The following THSD7A variants were observed in gnomAD, a reference collection of about 807,000 sequenced individuals.
THSD7A encodes the protein thrombospondin type-1 domain-containing protein 7A.
In THSD7A, 96 loss-of-function variants were observed where a neutral mutation model predicts 231.3. That is an observed-to-expected ratio of 0.41 (90% CI 0.35 to 0.49). The LOEUF is 0.49. THSD7A is among the 20% of genes least tolerant of loss of function. THSD7A has a pLI of 0.05. For synonymous variants in THSD7A, 940 were observed against 743.3 expected (o/e 1.26, Z -4.30); for missense variants, 2,290 against 2,070.2 (o/e 1.11, Z -2.06).
intron 1 of THSD7A, among the ~76,000 whole-genome samples, chr7:11,784,656 T>C (rs1189262315): frequency 6.6e-6 from 1 of 152,096 alleles, no homozygotes; most frequent in African/African-American, 2.4e-5. Context: ...TTTTCTGTTC[T>C]CATATTTAAT....
chr7:11,514,528 AAGG>A (rs1475368098), intron 6 of THSD7A, among the ~76,000 whole-genome samples: 5 of 152,258 alleles, frequency 3.3e-5, no homozygotes, highest in Middle Eastern at 6.8e-3. Flanking sequence ...GAGAAAAGAG[AAGG>A]AGGAGATCAT....
Position 11,481,824 on chromosome 7 carries a change from G to T in THSD7A, c.1981C>A (p.Arg661=), listed in dbSNP as rs367816173. 15 of 1,613,432 alleles carry T rather than the reference G, an allele frequency of 9.3e-6. No homozygotes were observed. The highest frequency in any genetic ancestry group is 7.7e-5 in the South Asian group (7 of 91,052). ...GCATAGGCCAGAATGGATCGTGCTC[G>T]TATCTGTTTCCCTTCTGTCGTTTTC... is the stretch of plus-strand genomic sequence containing the variant. ...SGKTTEGKQI[R]ARSILAYAGE... The change falls in exon 7 of 28, where the codon CGA becomes AGA. Residue 661 remains arginine, a synonymous_variant. Transcript: ENST00000423059.
chr7:11,788,364 T>C (rs927006834), intron 1 of THSD7A, among the ~76,000 whole-genome samples: 1 of 152,078 alleles, frequency 6.6e-6, no homozygotes, highest in Admixed American at 6.6e-5. Flanking sequence ...TCGTATATGT[T>C]CTTCTATAGT....
chr7:11,531,590 A>G (rs1788712567), intron 6 of THSD7A, among the ~76,000 whole-genome samples: 1 of 152,180 alleles, frequency 6.6e-6, no homozygotes, highest in African/African-American at 2.4e-5. Context: ...TCTCTTCTCA[A>G]ATTCGCATAG....
chr7:11,718,841 G>C (rs997716106), intron 1 of THSD7A, among the ~76,000 whole-genome samples: 1 of 151,594 alleles, frequency 6.6e-6, no homozygotes, highest in African/African-American at 2.4e-5. Context: ...GTTTGGGCAT[G>C]CAGAACTTTG....
At chr7:11,546,191 TGTGGGC>T (rs1479923699) in intron 4 of THSD7A, among the ~76,000 whole-genome samples, 4 of 73,514 alleles carry the variant, frequency 5.4e-5, no homozygotes, top group African/African-American at 1.3e-4. Context: ...TTGTTGCTGG[TGTGGGC>T]GCGCGCTCAC....
At chr7:11,774,729 T>C (rs143491392) in intron 1 of THSD7A, among the ~76,000 whole-genome samples, 301 of 152,350 alleles carry the variant, frequency 2.0e-3, no homozygotes, top group African/African-American at 6.9e-3. Context: ...TTTATGCTAG[T>C]ATATTTCTAT....
rs564331740 is a variant in THSD7A, at chr7:11,671,111, A to G, written c.191-34150T>C. On this transcript the variant is annotated intron_variant, in intron 1 of 27. Coordinates refer to ENST00000423059, the MANE Select transcript of THSD7A (RefSeq NM_015204.3). Reference sequence around the variant, plus strand: ...GTCCATGGAATACCTGAAGGCTACAAGAGAACATTAATAGACCTTCAAGGG... The same window carrying G: ...GTCCATGGAATACCTGAAGGCTACAGGAGAACATTAATAGACCTTCAAGGG... Among the ~76,000 whole-genome samples the G allele has an allele frequency of 1.4e-4, 22 of 152,332 alleles. No homozygotes were observed. The South Asian group carries it at 1.9e-3, about 13-fold the overall frequency.
intron 1 of THSD7A, among the ~76,000 whole-genome samples, chr7:11,740,746 A>C (rs1489448968): frequency 6.6e-6 from 1 of 151,926 alleles, no homozygotes; most frequent in African/African-American, 2.4e-5. Context: ...TTATGCTATA[A>C]TATGTCAGTA....
intron 7 of THSD7A, among the ~76,000 whole-genome samples, chr7:11,480,152 ACT>A (rs1786363961): frequency 6.6e-6 from 1 of 152,182 alleles, no homozygotes; most frequent in South Asian, 2.1e-4. Flanking sequence ...TAATGCAACC[ACT>A]AAACTTAATT....
chr7:11,779,722 C>T (rs1254137827), intron 1 of THSD7A, among the ~76,000 whole-genome samples: 2 of 152,138 alleles, frequency 1.3e-5, no homozygotes, highest in South Asian at 2.1e-4. Context: ...TATTAATTTC[C>T]TCATTGATTT....
intron 1 of THSD7A, among the ~76,000 whole-genome samples, chr7:11,650,381 T>C (rs1321566140): frequency 6.6e-6 from 1 of 152,062 alleles, no homozygotes; most frequent in East Asian, 1.9e-4. Flanking sequence ...ATACAATGTG[T>C]TTCATTCCCC....
At chr7:11,802,030 A>G (rs1784291248) in intron 1 of THSD7A, among the ~76,000 whole-genome samples, 1 of 152,216 alleles carries the variant, frequency 6.6e-6, no homozygotes, top group Non-Finnish European at 1.5e-5. Context: ...TTTTCTGCCT[A>G]TTGTGTAGGA....
intron 13 of THSD7A, among the ~76,000 whole-genome samples, chr7:11,433,816 T>G (rs1257570997): frequency 6.6e-6 from 1 of 152,036 alleles, no homozygotes; most frequent in Non-Finnish European, 1.5e-5. Context: ...TTCAGACTGA[T>G]TCACGTTGTG....
intron 1 of THSD7A, among the ~76,000 whole-genome samples, chr7:11,638,343 G>C (rs1365241967): frequency 6.6e-6 from 1 of 152,170 alleles, no homozygotes; most frequent in Non-Finnish European, 1.5e-5. Flanking sequence ...CCAACTTTTA[G>C]TTGTATGATT....
At chr7:11,603,240 A>T (rs992755741) in intron 2 of THSD7A, among the ~76,000 whole-genome samples, 46 of 152,082 alleles carry the variant, frequency 3.0e-4, no homozygotes, top group African/African-American at 9.9e-4. Flanking sequence ...CACTTCTCAA[A>T]AGAAGACATT....
intron 2 of THSD7A, among the ~76,000 whole-genome samples, chr7:11,603,998 T>G (rs1780649218): frequency 6.6e-6 from 1 of 151,202 alleles, no homozygotes; most frequent in African/African-American, 2.4e-5. Context: ...CTGCACAATG[T>G]GCACATGTAC....
At chr7:11,754,401 T>A (rs1476549120) in intron 1 of THSD7A, among the ~76,000 whole-genome samples, 1 of 151,986 alleles carries the variant, frequency 6.6e-6, no homozygotes, top group Non-Finnish European at 1.5e-5. Context: ...TACATGGGAC[T>A]TAGTAATTGG....
chr7:11,663,191 T>C (rs2128374141), intron 1 of THSD7A, among the ~76,000 whole-genome samples: 1 of 151,460 alleles, frequency 6.6e-6, no homozygotes, highest in South Asian at 2.1e-4. Context: ...AGGAGATTCT[T>C]CTTTAATTTA....
Sources: gnomAD v4.1 joint callset for allele counts (sites outside exome capture counted in the v4.1 genomes callset) on GRCh38, gnomAD v4.1.1 for gene constraint, MANE v1.5 for transcripts, NCBI Gene and HGNC (gene_info 2026-07-23, HGNC 2026-07-21) for gene names.